Variants in FKBP3 observed in about 807,000 individuals in gnomAD.
FKBP3 encodes the protein FKBP prolyl isomerase 3.
A neutral mutation model predicts 30.6 loss-of-function variants in FKBP3; 21 were observed. The ratio of observed to expected loss-of-function variants is 0.69; its 90% confidence interval spans 0.49 to 0.99. The LOEUF (loss-of-function observed/expected upper bound fraction) is 0.99, where lower values mean the gene tolerates loss of function less well. Among genes scored for constraint, FKBP3 ranks in the 50% least tolerant of loss-of-function variants. The pLI, the probability that FKBP3 is intolerant of heterozygous loss-of-function variation, is 0.00. For synonymous variants in FKBP3, 82 were observed against 91.3 expected (o/e 0.90, Z 0.58); for missense variants, 283 against 261.6 (o/e 1.08, Z -0.56).
Position 45,117,516 on chromosome 14 carries a change from A to G in FKBP3, c.620+512T>C, listed in dbSNP as rs1023179102. Among the ~76,000 whole-genome samples the G allele has an allele frequency of 2.6e-5, 4 of 151,862 alleles. No homozygotes were observed. In the East Asian group the frequency reaches 7.7e-4, roughly 29 times the overall value. ...TAAATGTTCACAAACTGGACTTATC[A>G]GTGAGTATTGTCATTAGTAGTAATA... is the stretch of plus-strand genomic sequence containing the variant. On this transcript the variant is annotated intron_variant, in intron 6 of 6. Transcript: ENST00000396062.
At chr14:45,121,875 A>G (rs1764956929) in intron 3 of FKBP3, among the ~76,000 whole-genome samples, 1 of 152,224 alleles carries the variant, frequency 6.6e-6, no homozygotes, top group Admixed American at 6.5e-5. Flanking sequence ...GATTCTGTTA[A>G]TAATTCACCA....
chr14:45,116,119 T>TCTAA lies in FKBP3; in HGVS notation c.*75_*78dup. Reference sequence around the variant, plus strand: ...CTCTTCCTTTACAATAGTAACAAGTTCTAACTAGTTGTGTAAATTTCTTCA... The same window carrying TCTAA: ...CTCTTCCTTTACAATAGTAACAAGTTCTAACTAACTAGTTGTGTAAATTTCTTCA... On this transcript the variant is annotated 3_prime_UTR_variant, in exon 7 of 7. Transcript: ENST00000396062. 8.0e-6 allele frequency: 8 copies of TCTAA among 999,442 alleles called. No individual in the cohort carries two copies. The South Asian group carries it at 1.1e-4, about 13-fold the overall frequency. The allele number at this position is 999,442 out of a possible 1,614,324, so 61.9% of individuals were successfully genotyped here. A position where few individuals can be genotyped will look rare whatever the true frequency, so the allele number is the denominator to read the frequency against.
chr14:45,122,872 G>GT (rs1566705069), intron 3 of FKBP3, among the ~76,000 whole-genome samples: 1 of 151,554 alleles, frequency 6.6e-6, no homozygotes, highest in African/African-American at 2.4e-5. Context: ...CTAGCTGAAG[G>GT]TTTTATCCTT....
chr14:45,131,980 G>GT (rs1258743339), intron 1 of FKBP3, among the ~76,000 whole-genome samples: 2 of 152,148 alleles, frequency 1.3e-5, no homozygotes, highest in East Asian at 3.9e-4. Context: ...TGAAAATCAC[G>GT]TAATTGTGAG....
chr14:45,126,730 C>T (rs1885106842), intron 3 of FKBP3, among the ~76,000 whole-genome samples: 1 of 152,022 alleles, frequency 6.6e-6, no homozygotes, highest in African/African-American at 2.4e-5. Context: ...GCCTGTAGTC[C>T]CAGTTATTCT....
chr14:45,130,809 A>C lies in FKBP3; in HGVS notation c.109-9T>G. On this transcript the variant is annotated splice_polypyrimidine_tract_variant and intron_variant, in intron 1 of 6. Transcript: ENST00000396062. ...TTATGTTCTGCAAGAAACTATAAGG[A>C]AAAAAGCTGGGTAATCAAGATAACT... 3 of 1,537,252 alleles carry C rather than the reference A, an allele frequency of 2.0e-6. No individual in the cohort carries two copies. Among genetic ancestry groups the C allele is most frequent in the African/African-American group, 1.4e-5 (1 of 72,504 alleles).
intron 5 of FKBP3, among the ~76,000 whole-genome samples, chr14:45,119,722 C>G (rs1394751407): frequency 6.9e-6 from 1 of 145,390 alleles, no homozygotes; most frequent in Non-Finnish European, 1.5e-5. Flanking sequence ...GAGTCTTGCT[C>G]TGTTGCCCAG....
At chr14:45,127,542 T>G (rs1026201854) in intron 3 of FKBP3, among the ~76,000 whole-genome samples, 7 of 152,162 alleles carry the variant, frequency 4.6e-5, no homozygotes, top group Non-Finnish European at 1.0e-4. Context: ...ACTGAGATAT[T>G]TTACATTCTT....
In FKBP3 at chr14:45,134,421, C is replaced by T. The variant is rs28366026; in HGVS notation, c.36G>A (p.Val12=). The T allele has an allele frequency of 4.3e-5, 69 of 1,613,540 alleles. No individual in the cohort carries two copies. In the East Asian group the frequency reaches 1.5e-3, roughly 35 times the overall value. The change falls in exon 1 of 7, where the codon GTG becomes GTA. Residue 12 remains valine, a synonymous_variant. Coordinates refer to ENST00000396062, the MANE Select transcript of FKBP3 (RefSeq NM_002013.4). ...AAAVPQRAWT[V]EQLRSEQLPK... is the part of the protein sequence containing the mutation. The stretch of plus-strand genomic sequence containing the variant: ...GCAGCTGCTCACTGCGCAGCTGCTC[C>T]ACGGTCCACGCCCGCTGTGGAACGG...
intron 1 of FKBP3, among the ~76,000 whole-genome samples, chr14:45,132,602 C>T (rs1183192745): frequency 1.3e-5 from 2 of 151,798 alleles, no homozygotes; most frequent in Non-Finnish European, 2.9e-5. Context: ...GGTTTCGCTA[C>T]GTTGGCCAGG....
At chr14:45,117,138 A>C (rs1201716266) in intron 6 of FKBP3, among the ~76,000 whole-genome samples, 4 of 152,042 alleles carry the variant, frequency 2.6e-5, no homozygotes, top group Admixed American at 2.6e-4. Context: ...CGCCTGGCTA[A>C]TTTGTGTATT....
At position 45,121,619 on chromosome 14, in the gene FKBP3, C is replaced by A. The variant is rs147406117; in HGVS notation, c.320G>T (p.Gly107Val). 4 of 1,611,206 alleles carry A rather than the reference C, an allele frequency of 2.5e-6. No homozygotes were observed. In the South Asian group the frequency reaches 4.4e-5, roughly 18 times the overall value. ...ETKSEETLDE[G>V]PPKYTKSVLK... ...AACAGATTTAGTATATTTTGGTGGA[C>A]CCTAAAAACAAAAAACAACACACAC... Residue 107 changes from glycine to valine, a missense_variant and splice_region_variant, in exon 4 of 7, where the codon GGT (glycine) becomes GTT (valine). Coordinates refer to ENST00000396062, the MANE Select transcript of FKBP3 (RefSeq NM_002013.4).
chr14:45,116,979 C>A (rs1458394370), intron 6 of FKBP3, among the ~76,000 whole-genome samples: 1 of 150,526 alleles, frequency 6.6e-6, no homozygotes, highest in Non-Finnish European at 1.5e-5. Context: ...GATTTCCCCG[C>A]CCCCCCCACC....
chr14:45,132,523 G>A (rs768734922), intron 1 of FKBP3, among the ~76,000 whole-genome samples: 7 of 151,852 alleles, frequency 4.6e-5, no homozygotes, highest in South Asian at 2.1e-4. Flanking sequence ...TCAGCCTCCC[G>A]AACAGCTGGG....
At chr14:45,120,095 TAC>T (rs1884950974) in intron 5 of FKBP3, among the ~76,000 whole-genome samples, 1 of 152,180 alleles carries the variant, frequency 6.6e-6, no homozygotes, top group Admixed American at 6.5e-5. Context: ...CTACTGATTG[TAC>T]AGAGAGTAAT....
At chr14:45,120,767 CTG>C in intron 5 of FKBP3, 118 bp downstream of exon 5, 1 of 761,266 alleles carries the variant, frequency 1.3e-6, no homozygotes, top group Non-Finnish European at 2.2e-6. Flanking sequence ...TATACCCAAT[CTG>C]TCAGACTCCA....
chr14:45,129,284 C>G (rs560679203), intron 3 of FKBP3, among the ~76,000 whole-genome samples: 1 of 152,188 alleles, frequency 6.6e-6, no homozygotes, highest in Non-Finnish European at 1.5e-5. Context: ...CTTAGCTCTA[C>G]TAAGGCTGTC....
Position 45,116,465 on chromosome 14 carries a change from T to TGGG in FKBP3, c.621-216_621-214dup, listed in dbSNP as rs138103531. Among the ~76,000 whole-genome samples the TGGG allele has an allele frequency of 1.4e-3, 203 of 147,008 alleles. 5 individuals carry two copies. The highest frequency in any genetic ancestry group is 3.5e-3 in the Middle Eastern group (1 of 286). ...AAAACAAAAGTAATGTCATTCTAGC[T>TGGG]GGGGGGGGGTGGAACAAAAAAAATA... On this transcript the variant is annotated intron_variant, in intron 6 of 6. Coordinates refer to ENST00000396062, the MANE Select transcript of FKBP3 (RefSeq NM_002013.4).
intron 3 of FKBP3, among the ~76,000 whole-genome samples, chr14:45,123,601 CCTT>C (rs1566705372): frequency 4.5e-5 from 6 of 133,040 alleles, no homozygotes; most frequent in Admixed American, 3.9e-4. Flanking sequence ...CCTCTCTACT[CCTT>C]TTTTTTTTTT....
Sources: gnomAD v4.1 joint callset for allele counts (sites outside exome capture counted in the v4.1 genomes callset) on GRCh38, gnomAD v4.1.1 for gene constraint, MANE v1.5 for transcripts, NCBI Gene and HGNC (gene_info 2026-07-23, HGNC 2026-07-21) for gene names.